ADAMTS18: variants seen among roughly 807,000 people sequenced by gnomAD.
The protein encoded by ADAMTS18 is ADAM metallopeptidase with thrombospondin type 1 motif 18, also known as A disintegrin and metalloproteinase with thrombospondin motifs 18.
In ADAMTS18, 157 loss-of-function variants were observed where a neutral mutation model predicts 165.9. The ratio of observed to expected loss-of-function variants is 0.95; its 90% CI spans 0.83 to 1.08. The LOEUF (loss-of-function observed/expected upper bound fraction) is 1.08. Among genes scored for constraint, ADAMTS18 ranks in the 50% least tolerant of loss-of-function variants. The pLI, the probability that ADAMTS18 is intolerant of heterozygous loss-of-function variation, is 0.00. For synonymous variants in ADAMTS18, 782 were observed against 578.2 expected (o/e 1.35, Z -5.06); for missense variants, 2,040 against 1,534.0 (o/e 1.33, Z -5.51).
Position 77,319,842 on chromosome 16 carries a change from G to C in ADAMTS18, c.2532+7C>G, listed in dbSNP as rs765573370. On this transcript the variant is annotated splice_region_variant and intron_variant, in intron 16 of 22. Transcript: ENST00000282849. ...CACTGAGAACTGAATACACAGAAGG[G>C]GCTTACTTCAAAGACCAGCGTCTCA... 6.2e-7 allele frequency: 1 copy of C among 1,614,048 alleles called. No individual in the cohort carries two copies. The highest frequency in any genetic ancestry group is 1.7e-5 in the Admixed American group (1 of 60,014).
intron 14 of ADAMTS18, among the ~76,000 whole-genome samples, chr16:77,321,638 G>T (rs1008902032): frequency 3.3e-5 from 5 of 151,924 alleles, no homozygotes; most frequent in Non-Finnish European, 5.9e-5. Flanking sequence ...AAATAACTGG[G>T]GAAAAATAGT....
At chr16:77,314,563 G>T (rs1353907600) in intron 16 of ADAMTS18, among the ~76,000 whole-genome samples, 5 of 147,636 alleles carry the variant, frequency 3.4e-5, no homozygotes, top group Non-Finnish European at 5.9e-5. Flanking sequence ...AGTGAGCCAA[G>T]ATTGTGCCAT....
chr16:77,378,624 A>G (rs370785750), intron 3 of ADAMTS18, among the ~76,000 whole-genome samples: 154 of 152,312 alleles, frequency 1.0e-3, no homozygotes, highest in African/African-American at 3.5e-3. Context: ...TTGAGGCACA[A>G]GAATCACTTG....
intron 16 of ADAMTS18, among the ~76,000 whole-genome samples, chr16:77,315,256 T>C (rs916915918): frequency 4.6e-5 from 7 of 152,200 alleles, no homozygotes; most frequent in Non-Finnish European, 2.9e-5. Flanking sequence ...CTTAAAACTA[T>C]GAAACTGGCA....
chr16:77,352,575 G>T (rs1459275700), intron 10 of ADAMTS18, among the ~76,000 whole-genome samples: 1 of 152,168 alleles, frequency 6.6e-6, no homozygotes, highest in Admixed American at 6.5e-5. Context: ...AATGCCTTAT[G>T]TGGGGCACAG....
chr16:77,375,132 G>A (rs932427506), intron 3 of ADAMTS18, among the ~76,000 whole-genome samples: 2 of 152,034 alleles, frequency 1.3e-5, no homozygotes, highest in Non-Finnish European at 2.9e-5. Flanking sequence ...ATTCAATGGG[G>A]GAACCAGGGG....
rs1374412002 is a variant in ADAMTS18, at chr16:77,375,718, C to G, written c.496-7995G>C. 5.3e-5 allele frequency among the ~76,000 whole-genome samples: 8 copies of G among 152,204 alleles called. No homozygotes were observed. The East Asian group carries it at 1.4e-3, about 26-fold the overall frequency. On this transcript the variant is annotated intron_variant, in intron 3 of 22. Transcript: ENST00000282849. ...AGGAAAGGCCTGGATTCATCGTTCT[C>G]TCATTGCTATAAAGAACTACCTGAG...
At chr16:77,323,385 C>G (rs1049706888) in intron 13 of ADAMTS18, among the ~76,000 whole-genome samples, 3 of 152,074 alleles carry the variant, frequency 2.0e-5, no homozygotes, top group Non-Finnish European at 4.4e-5. Flanking sequence ...TTATCACAGT[C>G]CAAATATGCA....
chr16:77,367,822 G>A (rs2056821247), intron 3 of ADAMTS18, 99 bp from the exon 4 acceptor site: 4 of 1,366,964 alleles, frequency 2.9e-6, no homozygotes, highest in East Asian at 2.3e-5. Context: ...CTGTATGTGG[G>A]CACAGGAGCT....
chr16:77,401,797 A>G (rs1361811216), intron 3 of ADAMTS18, among the ~76,000 whole-genome samples: 4 of 152,182 alleles, frequency 2.6e-5, no homozygotes, highest in African/African-American at 9.6e-5. Context: ...GGAAGGATGA[A>G]TTTGATCTCT....
chr16:77,294,589 T>C (rs1020199822), intron 19 of ADAMTS18, among the ~76,000 whole-genome samples: 1 of 152,242 alleles, frequency 6.6e-6, no homozygotes, highest in African/African-American at 2.4e-5. Flanking sequence ...GATGCTTCAT[T>C]CTTTGTATTT....
At chr16:77,392,361 T>C (rs1212581976) in intron 3 of ADAMTS18, among the ~76,000 whole-genome samples, 1 of 152,168 alleles carries the variant, frequency 6.6e-6, no homozygotes, top group African/African-American at 2.4e-5. Flanking sequence ...TGATGGCTGA[T>C]CTTGGAATAT....
In ADAMTS18 at chr16:77,421,513, T is replaced by C. The variant is rs998975156; in HGVS notation, c.495+9782A>G. Among the ~76,000 whole-genome samples, 6 of 152,268 alleles carry C rather than the reference T, an allele frequency of 3.9e-5. No individual in the cohort carries two copies. The East Asian group carries it at 9.6e-4, about 24-fold the overall frequency. On this transcript the variant is annotated intron_variant, in intron 3 of 22. Transcript: ENST00000282849. ...TTTCTCTTAAACTGTTTATTGCTGA[T>C]GGTGGGAAACCACGCAATTTCACCC...
chr16:77,287,529 G>A (rs1469288722), intron 22 of ADAMTS18, among the ~76,000 whole-genome samples: 1 of 152,106 alleles, frequency 6.6e-6, no homozygotes, highest in Non-Finnish European at 1.5e-5. Context: ...CCAGGCTGGA[G>A]TGCAGTGGTG....
At position 77,382,289 on chromosome 16, in the gene ADAMTS18, C is replaced by T. The variant is rs1008350506; in HGVS notation, c.496-14566G>A. Among the ~76,000 whole-genome samples, 115 of 152,230 alleles carry T rather than the reference C, an allele frequency of 7.6e-4. 1 individual carries two copies. The highest frequency in any genetic ancestry group is 2.5e-4 in the Non-Finnish European group (17 of 68,044). On this transcript the variant is annotated intron_variant, in intron 3 of 22. Transcript: ENST00000282849. ...GCAGTGGCGCGATCTCGGCTCACTG[C>T]AAGCTCCGCTGCCCTGGTTCATGCC...
intron 22 of ADAMTS18, among the ~76,000 whole-genome samples, chr16:77,286,107 C>T (rs920577988): frequency 6.6e-6 from 1 of 152,138 alleles, no homozygotes; most frequent in African/African-American, 2.4e-5. Flanking sequence ...CACCTTGTTT[C>T]TTGTACTCCA....
intron 10 of ADAMTS18, among the ~76,000 whole-genome samples, chr16:77,348,936 TACAAAGGCTTGTAGAC>T (rs1375773840): frequency 5.9e-5 from 9 of 152,048 alleles, no homozygotes; most frequent in Non-Finnish European, 1.2e-4. Context: ...AACAAACATA[TACAAAGGCTTGTAGAC>T]ACGGAAAAGG....
intron 4 of ADAMTS18, among the ~76,000 whole-genome samples, chr16:77,365,346 T>C (rs902778534): frequency 2.6e-5 from 4 of 152,218 alleles, no homozygotes; most frequent in African/African-American, 9.6e-5. Flanking sequence ...TCATTAAATA[T>C]ACCACTTTAT....
intron 17 of ADAMTS18, among the ~76,000 whole-genome samples, chr16:77,298,690 G>A (rs1025509298): frequency 2.0e-5 from 3 of 152,228 alleles, no homozygotes; most frequent in Non-Finnish European, 4.4e-5. Context: ...TACTTAGGAC[G>A]GTGAGGTAGG....
Sources: allele counts gnomAD v4.1 joint callset (sites outside exome capture counted in the v4.1 genomes callset), GRCh38; gene constraint gnomAD v4.1.1; transcripts MANE v1.5; gene names NCBI Gene and HGNC (gene_info 2026-07-23, HGNC 2026-07-21).